Variants in GRIK2 observed in about 807,000 individuals in gnomAD.
The protein encoded by GRIK2 is glutamate ionotropic receptor kainate type subunit 2.
GRIK2 carries 32 observed loss-of-function variants against 100.3 expected under a neutral mutation model. The observed-to-expected ratio is 0.32, with a 90% CI of 0.24 to 0.43. The LOEUF (loss-of-function observed/expected upper bound fraction) is 0.43. Among genes scored for constraint, GRIK2 ranks in the 20% least tolerant of loss-of-function variants. The probability of loss-of-function intolerance (pLI) is 1.00; values close to 1 mark genes in which losing one functional copy is unlikely to be tolerated. For synonymous variants in GRIK2, 417 were observed against 389.4 expected, an observed-to-expected ratio of 1.07 and a Z score of -0.83; for missense variants, 843 against 1,114.9, an observed-to-expected ratio of 0.76 and a Z score of 3.47.
intron 12 of GRIK2, among the ~76,000 whole-genome samples, chr6:101,918,754 G>A (rs1789284395): frequency 6.6e-6 from 1 of 151,652 alleles, no homozygotes. Context: ...GCCTCTTTTA[G>A]GCACTGAAGT....
At chr6:101,576,311 C>T (rs560105322) in intron 2 of GRIK2, among the ~76,000 whole-genome samples, 19 of 151,950 alleles carry the variant, frequency 1.3e-4, no homozygotes, top group African/African-American at 4.3e-4. Flanking sequence ...AATTTTTGAG[C>T]CTGAAAGAAT....
chr6:101,954,301 G>A (rs1791779141), intron 14 of GRIK2, among the ~76,000 whole-genome samples: 1 of 151,954 alleles, frequency 6.6e-6, no homozygotes, highest in Admixed American at 6.6e-5. Context: ...TGTTTATTTG[G>A]GAAGTATTGT....
chr6:102,011,130 T>G (rs1252127285), intron 14 of GRIK2, among the ~76,000 whole-genome samples: 1 of 152,172 alleles, frequency 6.6e-6, no homozygotes, highest in East Asian at 1.9e-4. Flanking sequence ...CTAAAGTGTC[T>G]TCTAAAATGG....
chr6:101,839,193 G>T (rs910424666), intron 10 of GRIK2, among the ~76,000 whole-genome samples: 1 of 152,122 alleles, frequency 6.6e-6, no homozygotes, highest in African/African-American at 2.4e-5. Context: ...TTCTGAATTT[G>T]TATCTTTGCT....
intron 2 of GRIK2, among the ~76,000 whole-genome samples, chr6:101,614,181 A>T (rs998922704): frequency 2.6e-5 from 4 of 151,778 alleles, no homozygotes; most frequent in Admixed American, 1.3e-4. Context: ...TGCATAGTAC[A>T]TGTAAATATT....
At chr6:101,731,831 C>A (rs1026309888) in intron 7 of GRIK2, among the ~76,000 whole-genome samples, 1 of 151,954 alleles carries the variant, frequency 6.6e-6, no homozygotes, top group Non-Finnish European at 1.5e-5. Context: ...CAGTTACCTA[C>A]AATTTACAGA....
At chr6:101,578,897 A>G (rs1239352788) in intron 2 of GRIK2, among the ~76,000 whole-genome samples, 1 of 152,196 alleles carries the variant, frequency 6.6e-6, no homozygotes, top group African/African-American at 2.4e-5. Flanking sequence ...TTTCAAAAGC[A>G]ATTCTGAAGC....
At chr6:101,648,505 A>G (rs545616215) in intron 4 of GRIK2, among the ~76,000 whole-genome samples, 1 of 152,200 alleles carries the variant, frequency 6.6e-6, no homozygotes, top group East Asian at 1.9e-4. Context: ...CTAAGTTATC[A>G]TGGTTTCTCT....
chr6:101,746,794 C>T (rs1009534947), intron 7 of GRIK2, among the ~76,000 whole-genome samples: 6 of 151,510 alleles, frequency 4.0e-5, no homozygotes, highest in African/African-American at 1.5e-4. Context: ...TATGCACACA[C>T]ACACACATAT....
rs1183422282 is a variant in GRIK2, at chr6:101,603,642, T to TTA, written c.116-18304_116-18303dup. ...AAACTGAAAATAACTCATGAATGAA[T>TTA]TATAACTAGTATCTTTTCATGTTTT... On this transcript the variant is annotated intron_variant, in intron 2 of 16. Transcript: ENST00000369134. Among the ~76,000 whole-genome samples the TTA allele has an allele frequency of 2.0e-5, 3 of 151,930 alleles. No homozygotes were observed. In the East Asian group the frequency reaches 5.8e-4, roughly 29 times the overall value.
At chr6:102,057,397 C>T (rs1425889052) in intron 16 of GRIK2, among the ~76,000 whole-genome samples, 4 of 151,870 alleles carry the variant, frequency 2.6e-5, no homozygotes, top group African/African-American at 7.2e-5. Flanking sequence ...ACAAATGATG[C>T]GAGGATTTAA....
rs2227283 is a variant in GRIK2 at position 102,055,442 on chromosome 6, G to C, written c.2424G>C (p.Glu808Asp). 2 of 1,613,408 alleles carry C rather than the reference G, an allele frequency of 1.2e-6. No homozygotes were observed. Among genetic ancestry groups the C allele is most frequent in the Admixed American group, 1.7e-5 (1 of 59,940 alleles). ...GGGGCAATGGTTGCCCAGAAGAGGAGAGCAAAGAGGCCAGTGCCCTGGGGG... is the reference window on the plus strand; with the variant it reads ...GGGGCAATGGTTGCCCAGAAGAGGACAGCAAAGAGGCCAGTGCCCTGGGGG... ...WWRGNGCPEE[E>D]SKEASALGVQ... is the part of the protein sequence containing the mutation. Residue 808 changes from glutamate (E) to aspartate (D), a missense_variant, in exon 16 of 17, where the codon GAG (glutamate) becomes GAC (aspartate). Physicochemically the swap from Glu to Asp is conservative, Grantham distance 45 (BLOSUM62 2). Coordinates refer to ENST00000369134, the MANE Select transcript of GRIK2 (RefSeq NM_021956.5).
At chr6:101,835,798 C>G (rs1383685709) in intron 10 of GRIK2, among the ~76,000 whole-genome samples, 1 of 143,352 alleles carries the variant, frequency 7.0e-6, no homozygotes, top group Admixed American at 7.3e-5. Context: ...GAAGCATACC[C>G]TGAAGTTATA....
intron 4 of GRIK2, among the ~76,000 whole-genome samples, chr6:101,656,659 A>G (rs1002480533): frequency 1.3e-5 from 2 of 152,212 alleles, no homozygotes; most frequent in Non-Finnish European, 2.9e-5. Flanking sequence ...ATATCTATGA[A>G]AAGTTGCAAA....
intron 7 of GRIK2, among the ~76,000 whole-genome samples, chr6:101,710,604 T>G (rs1159443713): frequency 6.6e-6 from 1 of 151,812 alleles, no homozygotes; most frequent in Non-Finnish European, 1.5e-5. Context: ...ACTAAAGGTT[T>G]GTTTATTTGG....
At chr6:101,904,399 G>C (rs898319824) in intron 12 of GRIK2, among the ~76,000 whole-genome samples, 4 of 151,198 alleles carry the variant, frequency 2.6e-5, no homozygotes, top group Admixed American at 2.0e-4. Flanking sequence ...CAACATCATT[G>C]CTTCAATTTT....
intron 7 of GRIK2, among the ~76,000 whole-genome samples, chr6:101,720,777 AAAAAT>A (rs1165037972): frequency 1.6e-4 from 24 of 152,104 alleles, no homozygotes; most frequent in African/African-American, 4.8e-4. Context: ...AAACTACTAA[AAAAAT>A]AAAATAAAAT....
intron 8 of GRIK2, among the ~76,000 whole-genome samples, chr6:101,801,029 A>G (rs565151971): frequency 6.6e-6 from 1 of 152,184 alleles, no homozygotes; most frequent in African/African-American, 2.4e-5. Context: ...AGCAGCTGGT[A>G]TGTCTTAAAT....
At chr6:101,979,211 C>A (rs1793574687) in intron 14 of GRIK2, among the ~76,000 whole-genome samples, 1 of 151,870 alleles carries the variant, frequency 6.6e-6, no homozygotes, top group South Asian at 2.1e-4. Context: ...AGAGAGTGGA[C>A]TACAGGAAAC....
Sources: allele counts gnomAD v4.1 joint callset (sites outside exome capture counted in the v4.1 genomes callset), GRCh38; gene constraint gnomAD v4.1.1; transcripts MANE v1.5; gene names NCBI Gene and HGNC (gene_info 2026-07-23, HGNC 2026-07-21).